IQCM: variants seen among roughly 807,000 people sequenced by gnomAD.
The protein encoded by IQCM is IQ motif containing M, also known as IQ domain-containing protein M.
In IQCM, 45 loss-of-function variants were observed where a neutral mutation model predicts 57.6. The observed-to-expected ratio is 0.78, with a 90% CI of 0.62 to 1.00. The LOEUF (loss-of-function observed/expected upper bound fraction) is 1.00, where lower values mean the gene tolerates loss of function less well. IQCM is among the 50% of genes least tolerant of loss of function. The pLI is 0.00. For missense variants in IQCM, 468 were observed against 511.6 expected (o/e 0.91, Z 0.82); for synonymous variants, 148 against 158.9 (o/e 0.93, Z 0.51).
Position 149,608,288 on chromosome 4 carries a change from C to A in IQCM, c.681+12841G>T, listed in dbSNP as rs538952922. Among the ~76,000 whole-genome samples the A allele has an allele frequency of 2.6e-3, 398 of 151,864 alleles. 1 individual carries two copies. The highest frequency in any genetic ancestry group is 3.5e-3 in the Non-Finnish European group (240 of 67,726). ...AAGCAAATTTTACCAGAACTAAAGACAAATATAGACTCCAATATAATCATA... is the reference window on the plus strand; with the variant it reads ...AAGCAAATTTTACCAGAACTAAAGAAAAATATAGACTCCAATATAATCATA... On this transcript the variant is annotated intron_variant, in intron 8 of 13. Transcript: ENST00000636793.
At chr4:149,474,466 T>C (rs796464568) in intron 12 of IQCM, among the ~76,000 whole-genome samples, 48 of 151,558 alleles carry the variant, frequency 3.2e-4, no homozygotes, top group African/African-American at 1.1e-3. Flanking sequence ...CCCAGCACTT[T>C]GTAGGCTGAG....
At chr4:149,368,869 T>C (rs1419622247) in intron 13 of IQCM, among the ~76,000 whole-genome samples, 1 of 92,126 alleles carries the variant, frequency 1.1e-5, no homozygotes, top group Non-Finnish European at 2.2e-5. Context: ...TATATATACA[T>C]ATATACACGT....
intron 7 of IQCM, among the ~76,000 whole-genome samples, chr4:149,646,636 C>A (rs954348726): frequency 2.0e-5 from 3 of 152,122 alleles, no homozygotes; most frequent in Non-Finnish European, 2.9e-5. Flanking sequence ...GATTTCCATA[C>A]GCTGAAGTTC....
intron 12 of IQCM, among the ~76,000 whole-genome samples, chr4:149,483,732 A>G (rs1376791375): frequency 1.3e-5 from 2 of 152,006 alleles, no homozygotes; most frequent in Non-Finnish European, 2.9e-5. Context: ...GAAGAAAATA[A>G]TGTGTGTTCT....
intron 12 of IQCM, among the ~76,000 whole-genome samples, chr4:149,438,743 C>A (rs1333144697): frequency 6.6e-6 from 1 of 151,982 alleles, no homozygotes; most frequent in Non-Finnish European, 1.5e-5. Flanking sequence ...CGTTTAGTTT[C>A]TTTTAAGCTG....
At chr4:149,760,712 T>C (rs1769423399) in intron 2 of IQCM, among the ~76,000 whole-genome samples, 2 of 152,132 alleles carry the variant, frequency 1.3e-5, no homozygotes, top group African/African-American at 2.4e-5. Flanking sequence ...ATTTGACATT[T>C]TTCTGAGATA....
chr4:149,566,876 G>A (rs1262555144), intron 9 of IQCM, among the ~76,000 whole-genome samples: 4 of 152,106 alleles, frequency 2.6e-5, no homozygotes, highest in African/African-American at 9.7e-5. Flanking sequence ...TAATGAGTTT[G>A]AAAAGAAGCT....
intron 12 of IQCM, among the ~76,000 whole-genome samples, chr4:149,476,762 T>TA (rs1740243026): frequency 6.6e-6 from 1 of 152,056 alleles, no homozygotes; most frequent in Non-Finnish European, 1.5e-5. Flanking sequence ...TTAAGAAACT[T>TA]TAGGAGTCAG....
chr4:149,693,122 T>C (rs1763063876), intron 5 of IQCM, among the ~76,000 whole-genome samples: 1 of 152,190 alleles, frequency 6.6e-6, no homozygotes, highest in Non-Finnish European at 1.5e-5. Context: ...AGCTCAATCA[T>C]TTGTTCATCT....
rs183247774 is a variant in IQCM at position 149,468,364 on chromosome 4, A to G, written c.1229-34807T>C. On this transcript the variant is annotated intron_variant, in intron 12 of 13. Coordinates refer to ENST00000636793, the MANE Select transcript of IQCM (RefSeq NM_001363507.2). ...AGCTCAGAGGGTCCCACACCCACGG[A>G]GCCTTGCTCACTGCTAGCACAGTAG... 6.5e-3 allele frequency among the ~76,000 whole-genome samples: 983 copies of G among 152,184 alleles called. 6 individuals carry two copies. Among genetic ancestry groups the G allele is most frequent in the African/African-American group, 0.022 (907 of 41,528 alleles).
rs533519557 is a variant in IQCM, at chr4:149,598,092, A to G, written c.682-10095T>C. On this transcript the variant is annotated intron_variant, in intron 8 of 13. Transcript: ENST00000636793. The stretch of plus-strand genomic sequence containing the variant: ...GAGAGGAAGAAAAAATACATTATCA[A>G]TTGAAGTATTTTGCCAACTGACCCT... Among the ~76,000 whole-genome samples the G allele has an allele frequency of 3.3e-5, 5 of 152,304 alleles. No homozygotes were observed. The East Asian group carries it at 5.8e-4, about 18-fold the overall frequency.
At chr4:149,464,161 G>A (rs1035992400) in intron 12 of IQCM, among the ~76,000 whole-genome samples, 1 of 152,102 alleles carries the variant, frequency 6.6e-6, no homozygotes, top group African/African-American at 2.4e-5. Context: ...GACTCAGAAT[G>A]TTCATACCTC....
chr4:149,761,406 G>A (rs1008173185), intron 2 of IQCM, among the ~76,000 whole-genome samples: 2 of 151,952 alleles, frequency 1.3e-5, no homozygotes. Context: ...ACCACCCTGT[G>A]CTTTCCTCCT....
intron 9 of IQCM, among the ~76,000 whole-genome samples, chr4:149,584,799 G>A (rs983678262): frequency 6.6e-6 from 1 of 151,742 alleles, no homozygotes; most frequent in Admixed American, 6.6e-5. Flanking sequence ...TGTGATCATT[G>A]AAGATTAGGA....
chr4:149,550,098 T>A (rs1358926794), intron 11 of IQCM, among the ~76,000 whole-genome samples: 1 of 152,182 alleles, frequency 6.6e-6, no homozygotes, highest in African/African-American at 2.4e-5. Flanking sequence ...GCCTAAGGGC[T>A]CCCTCTGGCT....
intron 9 of IQCM, among the ~76,000 whole-genome samples, chr4:149,580,525 A>C (rs771368081): frequency 1.1e-4 from 17 of 151,802 alleles, no homozygotes; most frequent in Admixed American, 4.6e-4. Context: ...TTTTCTTACT[A>C]TATTGCTAGA....
chr4:149,526,904 T>A (rs1347972329), intron 12 of IQCM, among the ~76,000 whole-genome samples: 1 of 152,134 alleles, frequency 6.6e-6, no homozygotes, highest in East Asian at 1.9e-4. Flanking sequence ...AATAATTTAT[T>A]ACAAAAATTT....
chr4:149,738,120 C>T (rs183036525), intron 3 of IQCM, among the ~76,000 whole-genome samples: 7 of 152,232 alleles, frequency 4.6e-5, no homozygotes, highest in African/African-American at 1.7e-4. Context: ...GAAGCAGAGA[C>T]CTGACAGCCT....
chr4:149,625,451 G>C (rs1391004012), intron 7 of IQCM, among the ~76,000 whole-genome samples: 2 of 152,186 alleles, frequency 1.3e-5, no homozygotes, highest in African/African-American at 4.8e-5. Context: ...AGTATAACAA[G>C]CTTGTTTATC....
Sources: allele counts gnomAD v4.1 joint callset (sites outside exome capture counted in the v4.1 genomes callset), GRCh38; gene constraint gnomAD v4.1.1; transcripts MANE v1.5; gene names NCBI Gene and HGNC (gene_info 2026-07-23, HGNC 2026-07-21).